The following LRP4 variants were observed in gnomAD, a reference collection of about 807,000 sequenced individuals.
The protein encoded by LRP4 is LDL receptor related protein 4.
Under a neutral mutation model 220.3 loss-of-function variants are expected in LRP4, and 95 were observed. The ratio of observed to expected loss-of-function variants is 0.43; its 90% CI spans 0.37 to 0.51. The LOEUF is 0.51. Ranked by LOEUF, LRP4 falls within the 20% of genes least tolerant of loss-of-function variation. The probability of loss-of-function intolerance (pLI) is 0.00; values close to 1 mark genes in which losing one functional copy is unlikely to be tolerated. For missense variants in LRP4, 1,925 were observed against 2,567.0 expected (o/e 0.75, Z 5.40); for synonymous variants, 903 against 954.6 (o/e 0.95, Z 1.00).
rs1371294347 is a variant in LRP4, at chr11:46,875,768, C to T, written c.3699+36G>A. 6.2e-7 allele frequency: 1 copy of T among 1,613,830 alleles called. No individual in the cohort carries two copies. The highest frequency in any genetic ancestry group is 8.5e-7 in the Non-Finnish European group (1 of 1,179,972). On this transcript the variant is annotated intron_variant, in intron 26 of 37. Coordinates refer to ENST00000378623, the MANE Select transcript of LRP4 (RefSeq NM_002334.4). This position sits in a 1 kb window ranked among gnomAD's most constrained non-coding sequence, Gnocchi z 4.5. ...CCTAGGCAGGCCTTTCCCATCTTCC[C>T]AGGCTCCTGGGAAGCAGCAGGGACA...
intron 1 of LRP4, among the ~76,000 whole-genome samples, chr11:46,913,211 T>C (rs1376594704): frequency 6.6e-6 from 1 of 152,168 alleles, no homozygotes; most frequent in Non-Finnish European, 1.5e-5. Flanking sequence ...TGAAGTCTGC[T>C]TGGATGGGCG....
At chr11:46,889,153 G>A (rs545171480) in intron 16 of LRP4, among the ~76,000 whole-genome samples, 157 of 152,182 alleles carry the variant, frequency 1.0e-3, no homozygotes, top group Non-Finnish European at 1.3e-3. Context: ...ATCCTGCCTG[G>A]TAAAATGATA....
intron 10 of LRP4, 44 bp downstream of exon 10, chr11:46,895,840 C>T (rs1355586022): frequency 6.2e-7 from 1 of 1,605,630 alleles, no homozygotes; most frequent in East Asian, 2.2e-5. Flanking sequence ...TCTGCTGCCC[C>T]TGCTCAGAAC....
intron 15 of LRP4, 139 bp downstream of exon 15, chr11:46,889,805 A>C: frequency 1.0e-6 from 1 of 975,732 alleles, no homozygotes; most frequent in Non-Finnish European, 1.6e-6. Flanking sequence ...CAGAGGGAGG[A>C]ATTAGCCCAT....
chr11:46,911,906 A>G (rs1417987745), intron 1 of LRP4, among the ~76,000 whole-genome samples: 1 of 146,622 alleles, frequency 6.8e-6, no homozygotes, highest in African/African-American at 2.5e-5. Context: ...GCAGTGGCAC[A>G]GTCTTGGCTC....
chr11:46,889,301 A>G (rs1941367565), intron 16 of LRP4, 110 bp downstream of exon 16: 5 of 1,438,506 alleles, frequency 3.5e-6, no homozygotes. Context: ...GGGCTCCCTG[A>G]GGAATGTGGT....
intron 28 of LRP4, chr11:46,874,223 G>C: frequency 6.2e-6 from 1 of 162,270 alleles, no homozygotes; most frequent in Admixed American, 5.6e-5. Context: ...CCTGTCCCCA[G>C]TTTGAGATTC....
chr11:46,901,427 G>C (rs1406632767), intron 2 of LRP4, among the ~76,000 whole-genome samples: 1 of 152,142 alleles, frequency 6.6e-6, no homozygotes, highest in African/African-American at 2.4e-5. Context: ...GTACAATGGG[G>C]ATAATTATAC....
chr11:46,877,385 T>C (rs1035254755), intron 22 of LRP4, 46 bp from the exon 23 acceptor site: 1 of 1,610,812 alleles, frequency 6.2e-7, no homozygotes, highest in Non-Finnish European at 8.5e-7. Flanking sequence ...GCACAGCCAT[T>C]AAATGGATTT....
rs556889686 is a variant in LRP4, at chr11:46,899,976, G to A, written c.317C>T (p.Pro106Leu). The part of the protein sequence containing the change: ...CEDDSDEQDC[P>L]PRECEEDEFP... The stretch of plus-strand genomic sequence containing the variant: ...CTCGTCCTCCTCACACTCCCGGGGG[G>A]CTGTGGGCACAGAGCAGTCAGGCTG... Residue 106 changes from proline to leucine, a missense_variant and splice_region_variant, in exon 4 of 38, where the codon CCC (proline) becomes CTC (leucine). Coordinates refer to ENST00000378623, the MANE Select transcript of LRP4 (RefSeq NM_002334.4). The surrounding 1 kb of genome is among the most constrained non-coding windows in gnomAD (Gnocchi z 5.9). 1.6e-5 allele frequency: 26 copies of A among 1,610,000 alleles called. No homozygotes were observed. Among genetic ancestry groups the A allele is most frequent in the Non-Finnish European group, 2.2e-5 (26 of 1,176,778 alleles).
At chr11:46,896,823 C>T in intron 8 of LRP4, 46 bp downstream of exon 8, 1 of 1,613,632 alleles carries the variant, frequency 6.2e-7, no homozygotes, top group Non-Finnish European at 8.5e-7. Flanking sequence ...CACCCTTCCA[C>T]CCCAACTATA....
chr11:46,897,122 T>C (rs893206257), intron 7 of LRP4, 128 bp from the exon 8 acceptor site: 1 of 1,224,978 alleles, frequency 8.2e-7, no homozygotes, highest in African/African-American at 1.5e-5. Flanking sequence ...CTGGTCTATA[T>C]AGTGTCTTTG....
Position 46,886,472 on chromosome 11 carries a change from T to C in LRP4, c.2277A>G (p.Thr759=), listed in dbSNP as rs1195314216. ...GGATGACATCATCAGACAGGTCCTC[T>C]GTGTCAAAGCTGATTCGACGGATGT... ...RMDIRRISFD[T]EDLSDDVIPL... The change falls in exon 17 of 38, where the codon ACA becomes ACG. Residue 759 remains threonine (T), a synonymous_variant. Coordinates refer to ENST00000378623, the MANE Select transcript of LRP4 (RefSeq NM_002334.4). The C allele has an allele frequency of 6.8e-6, 11 of 1,614,006 alleles. No individual in the cohort carries two copies. Among genetic ancestry groups the C allele is most frequent in the Non-Finnish European group, 8.5e-6 (10 of 1,180,008 alleles).
In LRP4 at chr11:46,868,584, A is replaced by G. The variant is rs375419122; in HGVS notation, c.4951+16T>C. On this transcript the variant is annotated intron_variant, in intron 33 of 37. Transcript: ENST00000378623. ...GGGGCTCTGCCGAGTGGCTCCAGCC[A>G]TACAGTCCAACTCACCAAGGGAGCA... 1 of 1,585,080 alleles carries G rather than the reference A, an allele frequency of 6.3e-7. No homozygotes were observed. The highest frequency in any genetic ancestry group is 8.7e-7 in the Non-Finnish European group (1 of 1,153,240).
Position 46,867,970 on chromosome 11 carries a change from C to T in LRP4, c.5087+9G>A. The T allele has an allele frequency of 6.2e-7, 1 of 1,614,106 alleles. No homozygotes were observed. Among genetic ancestry groups the T allele is most frequent in the Non-Finnish European group, 8.5e-7 (1 of 1,180,002 alleles). ...AAAGGGCCCATGATCCTGCATTGAA[C>T]CTATTTACCTTCCTTCCACCTCCTC... is the stretch of plus-strand genomic sequence containing the variant. On this transcript the variant is annotated intron_variant, in intron 34 of 37. Transcript: ENST00000378623.
chr11:46,861,888 G>GAGA (rs1430829739), intron 37 of LRP4, among the ~76,000 whole-genome samples: 1 of 151,978 alleles, frequency 6.6e-6, no homozygotes, highest in African/African-American at 2.4e-5. Context: ...GGTCAACATG[G>GAGA]AGAAACCCTG....
chr11:46,909,296 T>C (rs1224883911), intron 1 of LRP4, among the ~76,000 whole-genome samples: 1 of 151,732 alleles, frequency 6.6e-6, no homozygotes, highest in Non-Finnish European at 1.5e-5. Context: ...GTGGAAGCTA[T>C]TAGGATTACA....
At position 46,859,185 on chromosome 11, in the gene LRP4, T is replaced by A; in HGVS notation, c.5516A>T (p.Asp1839Val). ...CGTGTCTGTCTTCATGCATACATGA[T>A]CCCGGAGGAGGCCCCCCCGTGAGCT... ...LRSSRGGLLR[D>V]HVCMKTDTVS... Residue 1839 changes from aspartate (D) to valine (V), a missense_variant, in exon 38 of 38, where the codon GAT (aspartate) becomes GTT (valine). By Grantham distance (152) the Asp-to-Val change is radical. Coordinates refer to ENST00000378623, the MANE Select transcript of LRP4 (RefSeq NM_002334.4). 1.9e-6 allele frequency: 3 copies of A among 1,614,136 alleles called. No homozygotes were observed. The highest frequency in any genetic ancestry group is 2.5e-6 in the Non-Finnish European group (3 of 1,180,022).
chr11:46,910,738 A>G (rs932628628), intron 1 of LRP4, among the ~76,000 whole-genome samples: 17 of 136,408 alleles, frequency 1.2e-4, no homozygotes, highest in African/African-American at 4.7e-4. Flanking sequence ...CACTGGCACA[A>G]TCTCAGCTTA....
Sources: allele counts gnomAD v4.1 joint callset (sites outside exome capture counted in the v4.1 genomes callset), GRCh38; gene constraint gnomAD v4.1.1; non-coding constraint Gnocchi (gnomAD v3.1); transcripts MANE v1.5; gene names NCBI Gene and HGNC (gene_info 2026-07-23, HGNC 2026-07-21).